Variants in CNST observed in about 807,000 individuals in gnomAD.
The protein encoded by CNST is consortin, connexin sorting protein.
In CNST, 39 loss-of-function variants were observed where a neutral mutation model predicts 72.4. That is an observed-to-expected ratio of 0.54 (90% CI 0.42 to 0.70). The LOEUF is 0.70. Ranked by LOEUF, CNST falls within the 30% of genes least tolerant of loss-of-function variation. The probability of loss-of-function intolerance (pLI) is 0.00; values close to 1 mark genes in which losing one functional copy is unlikely to be tolerated. For synonymous variants in CNST, 332 were observed against 320.1 expected (o/e 1.04, Z -0.40); for missense variants, 871 against 868.5 (o/e 1.00, Z -0.04).
At chr1:246,661,280 C>G (rs1408429030) in intron 10 of CNST, among the ~76,000 whole-genome samples, 1 of 151,860 alleles carries the variant, frequency 6.6e-6, no homozygotes, top group Non-Finnish European at 1.5e-5. Context: ...CAGGCCCTGG[C>G]TAGTTTTCTG....
intron 6 of CNST, among the ~76,000 whole-genome samples, chr1:246,638,278 G>A (rs1458716366): frequency 6.6e-6 from 1 of 152,206 alleles, no homozygotes; most frequent in Non-Finnish European, 1.5e-5. Context: ...GAAAGAATAA[G>A]GACAGGGACA....
intron 3 of CNST, among the ~76,000 whole-genome samples, chr1:246,622,684 G>A (rs1324568828): frequency 6.6e-6 from 1 of 152,172 alleles, no homozygotes; most frequent in East Asian, 1.9e-4. Context: ...TTGAGAGGGT[G>A]TAGATGTTAG....
At chr1:246,609,245 G>C (rs1189068848) in intron 2 of CNST, among the ~76,000 whole-genome samples, 4 of 152,218 alleles carry the variant, frequency 2.6e-5, no homozygotes, top group African/African-American at 9.7e-5. Context: ...CCTGTTTGCT[G>C]CTTCGGTATG....
chr1:246,622,692 T>G (rs1664169858), intron 3 of CNST, among the ~76,000 whole-genome samples: 1 of 150,844 alleles, frequency 6.6e-6, no homozygotes, highest in Non-Finnish European at 1.5e-5. Context: ...GTGTAGATGT[T>G]AGAGGATGGA....
intron 8 of CNST, among the ~76,000 whole-genome samples, chr1:246,644,435 G>T (rs1424082404): frequency 6.6e-6 from 1 of 150,944 alleles, no homozygotes; most frequent in African/African-American, 2.4e-5. Context: ...ATTATTTAGA[G>T]CTTAGCCCTA....
rs536905497 is a variant in CNST at position 246,658,186 on chromosome 1, A to G, written c.1837-2013A>G. ...TGTACTAAAAATTAAAAGAATATCA[A>G]TGATACATCTTTAGTAGTAATGTAT... is the stretch of plus-strand genomic sequence containing the variant. On this transcript the variant is annotated intron_variant, in intron 9 of 10. Coordinates refer to ENST00000366513, the MANE Select transcript of CNST (RefSeq NM_152609.3). 2.3e-4 allele frequency among the ~76,000 whole-genome samples: 35 copies of G among 152,344 alleles called. 1 individual carries two copies. In the South Asian group the frequency reaches 6.4e-3, roughly 28 times the overall value.
At chr1:246,580,437 T>TA (rs398103933) in intron 1 of CNST, among the ~76,000 whole-genome samples, 1 of 152,170 alleles carries the variant, frequency 6.6e-6, no homozygotes, top group Non-Finnish European at 1.5e-5. Flanking sequence ...ACTTTTTTTT[T>TA]AATATACCTT....
intron 3 of CNST, among the ~76,000 whole-genome samples, chr1:246,628,368 A>G (rs891056336): frequency 6.6e-6 from 1 of 152,210 alleles, no homozygotes; most frequent in African/African-American, 2.4e-5. Flanking sequence ...CCATTAACAG[A>G]AATAAGGTAT....
At chr1:246,633,300 G>A (rs1029749435) in intron 4 of CNST, among the ~76,000 whole-genome samples, 1 of 151,524 alleles carries the variant, frequency 6.6e-6, no homozygotes. Flanking sequence ...AATACAAAAA[G>A]GAGCCGGGCA....
intron 9 of CNST, among the ~76,000 whole-genome samples, chr1:246,649,927 G>A (rs1320391485): frequency 6.6e-6 from 1 of 150,842 alleles, no homozygotes; most frequent in African/African-American, 2.4e-5. Flanking sequence ...GATGCACAAG[G>A]GTCTTGTCGT....
intron 1 of CNST, among the ~76,000 whole-genome samples, chr1:246,589,689 T>C (rs1367816106): frequency 1.3e-5 from 2 of 152,234 alleles, no homozygotes; most frequent in Admixed American, 6.5e-5. Context: ...GGAATTGCCA[T>C]ACTGTCTTCC....
chr1:246,598,064 CT>C (rs1164296908), intron 2 of CNST, among the ~76,000 whole-genome samples: 1 of 152,030 alleles, frequency 6.6e-6, no homozygotes, highest in Non-Finnish European at 1.5e-5. Context: ...CAAAAACATC[CT>C]CAAGTTCCCA....
At chr1:246,635,436 C>T (rs1665141778) in intron 6 of CNST, among the ~76,000 whole-genome samples, 1 of 151,880 alleles carries the variant, frequency 6.6e-6, no homozygotes, top group South Asian at 2.1e-4. Flanking sequence ...AGAGAACCAC[C>T]CTCCTAGAAG....
intron 1 of CNST, among the ~76,000 whole-genome samples, chr1:246,574,790 C>T (rs1377704153): frequency 1.3e-5 from 2 of 151,200 alleles, no homozygotes; most frequent in East Asian, 3.8e-4. Flanking sequence ...ATCAGTTTGA[C>T]TTGGTTGGTT....
At chr1:246,655,217 A>AT (rs1000302004) in intron 9 of CNST, among the ~76,000 whole-genome samples, 4 of 152,276 alleles carry the variant, frequency 2.6e-5, no homozygotes, top group South Asian at 2.1e-4. Flanking sequence ...AACTCCTGTG[A>AT]TTTTTTTAAA....
At chr1:246,601,700 G>A (rs147799079) in intron 2 of CNST, among the ~76,000 whole-genome samples, 1,934 of 152,192 alleles carry the variant, frequency 0.013, 16 homozygotes, top group Middle Eastern at 0.027. Flanking sequence ...AGGCTGAGGC[G>A]GGAGAAACAC....
rs1667432494 is a variant in CNST, at chr1:246,667,393, T to C, written c.*1488T>C. On this transcript the variant is annotated 3_prime_UTR_variant, in exon 11 of 11. Transcript: ENST00000366513. ...AGATATTTAATTACTGTGTATTTAG[T>C]GTTTTGATTTTCTATAATTTCAGTT... 1 of 152,198 alleles carries C rather than the reference T, an allele frequency of 6.6e-6. No individual in the cohort carries two copies. Among genetic ancestry groups the C allele is most frequent in the South Asian group, 2.1e-4 (1 of 4,832 alleles). The allele number at this position is 152,198 out of a possible 1,614,324, so 9.4% of individuals were successfully genotyped here.
chr1:246,591,441 G>C (rs1661535468), intron 1 of CNST, 71 bp from the exon 2 acceptor site: 1 of 1,093,486 alleles, frequency 9.1e-7, no homozygotes, highest in Admixed American at 2.2e-5. Context: ...AAGAGAAGGG[G>C]AAAATCAAAG....
rs577512993 is a variant in CNST, at chr1:246,647,216, T to A, written c.1015T>A (p.Cys339Ser). The change falls in exon 9 of 11, where the codon TGT becomes AGT. Residue 339 changes from cysteine to serine, a missense_variant. Physicochemically the swap from Cys to Ser is moderately radical, Grantham distance 112 (BLOSUM62 -1). Coordinates refer to ENST00000366513, the MANE Select transcript of CNST (RefSeq NM_152609.3). ...TVEPLGSSPC[C>S]HQMDVQTDSP... Reference sequence around the variant, plus strand: ...GGAGCCCCTGGGGAGCAGTCCCTGCTGTCATCAGATGGACGTGCAAACAGA... The same window carrying A: ...GGAGCCCCTGGGGAGCAGTCCCTGCAGTCATCAGATGGACGTGCAAACAGA... 5 of 1,614,174 alleles carry A rather than the reference T, an allele frequency of 3.1e-6. No individual in the cohort carries two copies. The South Asian group carries it at 5.5e-5, about 18-fold the overall frequency.
Sources: allele counts gnomAD v4.1 joint callset (sites outside exome capture counted in the v4.1 genomes callset), GRCh38; gene constraint gnomAD v4.1.1; transcripts MANE v1.5; gene names NCBI Gene and HGNC (gene_info 2026-07-23, HGNC 2026-07-21).